Variants in ZNF407 observed in about 807,000 individuals in gnomAD.
The protein encoded by ZNF407 is zinc finger protein 407.
Under a neutral mutation model 131.2 loss-of-function variants are expected in ZNF407, and 17 were observed. The ratio of observed to expected loss-of-function variants is 0.13; its 90% CI spans 0.09 to 0.19. The LOEUF is 0.19. ZNF407 is among the 10% of genes least tolerant of loss of function. ZNF407 has a pLI of 1.00. For synonymous variants in ZNF407, 1,156 were observed against 1,062.0 expected (o/e 1.09, Z -1.72); for missense variants, 2,681 against 2,830.6 (o/e 0.95, Z 1.20).
chr18:74,692,529 G>A (rs1404081632), intron 3 of ZNF407, among the ~76,000 whole-genome samples: 1 of 151,926 alleles, frequency 6.6e-6, no homozygotes, highest in African/African-American at 2.4e-5. Flanking sequence ...CTGAGTGCCT[G>A]AGCCTCGTGG....
intron 4 of ZNF407, among the ~76,000 whole-genome samples, chr18:74,850,285 G>T (rs1301354761): frequency 6.6e-6 from 1 of 151,750 alleles, no homozygotes; most frequent in Non-Finnish European, 1.5e-5. Flanking sequence ...ATGGTTAATG[G>T]ATAGATTTCT....
chr18:74,704,772 A>T, intron 3 of ZNF407, among the ~76,000 whole-genome samples: 1 of 152,186 alleles, frequency 6.6e-6, no homozygotes, highest in East Asian at 1.9e-4. Flanking sequence ...TTTCTGCAAT[A>T]AGTGTCTTGG....
chr18:74,655,383 A>G (rs967273793), intron 3 of ZNF407, among the ~76,000 whole-genome samples: 6 of 152,094 alleles, frequency 3.9e-5, no homozygotes, highest in East Asian at 3.8e-4. Flanking sequence ...TTAAAATAAT[A>G]TGGATACAAA....
rs527964163 is a variant in ZNF407 at position 74,759,749 on chromosome 18, A to G, written c.4803-21679A>G. 4.1e-5 allele frequency among the ~76,000 whole-genome samples: 6 copies of G among 147,898 alleles called. No homozygotes were observed. The South Asian group carries it at 1.3e-3, about 32-fold the overall frequency. The stretch of plus-strand genomic sequence containing the variant: ...ATTGATAATCTTTATTTGTTAACCC[A>G]TAATTCTCTTATTTTCCTGTATTTC... On this transcript the variant is annotated intron_variant, in intron 3 of 8. Transcript: ENST00000299687.
At chr18:75,031,310 A>G (rs1973237397) in intron 8 of ZNF407, among the ~76,000 whole-genome samples, 1 of 152,242 alleles carries the variant, frequency 6.6e-6, no homozygotes, top group African/African-American at 2.4e-5. Context: ...GGATTTCAAT[A>G]ATATCCATTT....
At chr18:74,620,590 A>G (rs1424362189) in intron 1 of ZNF407, among the ~76,000 whole-genome samples, 1 of 152,222 alleles carries the variant, frequency 6.6e-6, no homozygotes, top group Non-Finnish European at 1.5e-5. Flanking sequence ...GAATTTTACT[A>G]TACTCTGACC....
At chr18:74,878,220 C>G (rs1971186492) in intron 5 of ZNF407, among the ~76,000 whole-genome samples, 1 of 152,124 alleles carries the variant, frequency 6.6e-6, no homozygotes. Context: ...GGCCATATTC[C>G]TGTGAGCTGT....
chr18:74,903,727 G>A (rs1286790919), intron 7 of ZNF407, among the ~76,000 whole-genome samples: 3 of 152,182 alleles, frequency 2.0e-5, no homozygotes, highest in African/African-American at 7.2e-5. Flanking sequence ...AGATAAAAAT[G>A]AGAAGAATTT....
chr18:74,634,905 G>A lies in ZNF407; in HGVS notation c.3886G>A (p.Gly1296Ser). 3 of 1,613,722 alleles carry A rather than the reference G, an allele frequency of 1.9e-6. No homozygotes were observed. The highest frequency in any genetic ancestry group is 2.5e-6 in the Non-Finnish European group (3 of 1,179,736). ...TGGGCATGGTTTGGAAGACTTGAAA[G>A]GTGTCCAAGAAGATCCCGTTCTGGG... ...ARGHGLEDLK[G>S]VQEDPVLGNK... The change falls in exon 2 of 9, where the codon GGT becomes AGT. Residue 1296 changes from glycine (G) to serine (S), a missense_variant. By Grantham distance (56) the Gly-to-Ser change is moderately conservative. This residue lies in a region of ZNF407 where 1,789 missense variants were observed against 1,748.7 expected (regional missense o/e 1.02). Coordinates refer to ENST00000299687, the MANE Select transcript of ZNF407 (RefSeq NM_017757.3).
At chr18:74,718,708 T>C (rs1276553633) in intron 3 of ZNF407, among the ~76,000 whole-genome samples, 1 of 152,200 alleles carries the variant, frequency 6.6e-6, no homozygotes, top group East Asian at 1.9e-4. Context: ...TGTTGACTAG[T>C]AATATTTTCA....
chr18:74,977,147 A>G (rs944349611), intron 8 of ZNF407, among the ~76,000 whole-genome samples: 1 of 152,198 alleles, frequency 6.6e-6, no homozygotes, highest in African/African-American at 2.4e-5. Context: ...GGCTTTGCTG[A>G]TGGTCTGGAT....
chr18:74,745,393 C>G (rs776453533), intron 3 of ZNF407, among the ~76,000 whole-genome samples: 45 of 151,794 alleles, frequency 3.0e-4, no homozygotes, highest in Non-Finnish European at 5.3e-4. Context: ...AAAATATTCT[C>G]AATCTCACCT....
At chr18:74,713,372 T>A (rs1001561544) in intron 3 of ZNF407, among the ~76,000 whole-genome samples, 1 of 150,928 alleles carries the variant, frequency 6.6e-6, no homozygotes, top group African/African-American at 2.4e-5. Flanking sequence ...TTTTTTTTTT[T>A]TTTTTTTTTT....
intron 8 of ZNF407, among the ~76,000 whole-genome samples, chr18:74,972,505 T>G (rs1441953227): frequency 6.6e-6 from 1 of 152,224 alleles, no homozygotes; most frequent in Non-Finnish European, 1.5e-5. Flanking sequence ...AGCCCTTTCT[T>G]TCACTCCCTG....
chr18:74,844,060 C>G (rs566170109), intron 4 of ZNF407, among the ~76,000 whole-genome samples: 24 of 152,264 alleles, frequency 1.6e-4, no homozygotes, highest in African/African-American at 5.5e-4. Context: ...TAAATACTCT[C>G]AAGTCTCAAG....
chr18:74,846,693 A>G (rs1002580785), intron 4 of ZNF407, among the ~76,000 whole-genome samples: 1 of 151,800 alleles, frequency 6.6e-6, no homozygotes, highest in Non-Finnish European at 1.5e-5. Context: ...AAATAATTTT[A>G]TCTTAAAAAG....
At chr18:74,909,513 A>G (rs1349932954) in intron 7 of ZNF407, among the ~76,000 whole-genome samples, 1 of 152,188 alleles carries the variant, frequency 6.6e-6, no homozygotes, top group Non-Finnish European at 1.5e-5. Context: ...ATTTCTTTAA[A>G]TAGAACTTTC....
At chr18:74,906,050 T>C (rs1474714322) in intron 7 of ZNF407, 1 of 153,218 alleles carries the variant, frequency 6.5e-6, no homozygotes, top group Non-Finnish European at 1.5e-5. Flanking sequence ...TTGTACGTTA[T>C]TATTACTATT....
chr18:74,754,932 A>C (rs940573415), intron 3 of ZNF407, among the ~76,000 whole-genome samples: 3 of 152,052 alleles, frequency 2.0e-5, no homozygotes, highest in African/African-American at 7.2e-5. Context: ...TGATCTGTCT[A>C]ATGTTGACAG....
Sources: allele counts gnomAD v4.1 joint callset (sites outside exome capture counted in the v4.1 genomes callset), GRCh38; gene constraint gnomAD v4.1.1; regional missense constraint gnomAD v4.1.1; transcripts MANE v1.5; gene names NCBI Gene and HGNC (gene_info 2026-07-23, HGNC 2026-07-21).